Variants in ADCY9 observed in about 807,000 individuals in gnomAD.
ADCY9 encodes adenylate cyclase type 9.
A neutral mutation model predicts 101.5 loss-of-function variants in ADCY9; 50 were observed. That is an observed-to-expected ratio of 0.49 (90% CI 0.39 to 0.62). The LOEUF (loss-of-function observed/expected upper bound fraction) is 0.62. Among genes scored for constraint, ADCY9 ranks in the 20% least tolerant of loss-of-function variants. ADCY9 has a pLI of 0.00. For synonymous variants in ADCY9, 905 were observed against 769.3 expected, an observed-to-expected ratio of 1.18 and a Z score of -2.92; for missense variants, 1,662 against 1,800.4, an observed-to-expected ratio of 0.92 and a Z score of 1.39.
At chr16:4,004,046 C>T (rs1027866756) in intron 3 of ADCY9, among the ~76,000 whole-genome samples, 3 of 150,982 alleles carry the variant, frequency 2.0e-5, no homozygotes, top group Non-Finnish European at 4.4e-5. Flanking sequence ...GGTATAACCC[C>T]AGGAGTTGGC....
intron 2 of ADCY9, among the ~76,000 whole-genome samples, chr16:4,104,555 T>C (rs1165118507): frequency 6.6e-6 from 1 of 151,694 alleles, no homozygotes. Context: ...AAGGCTGGAG[T>C]GAGCTATGGT....
In ADCY9 at chr16:4,097,483, T is replaced by TACACAC. The variant is rs1195233632; in HGVS notation, c.1693+16266_1693+16267insGTGTGT. 1.7e-3 allele frequency among the ~76,000 whole-genome samples: 103 copies of TACACAC among 61,158 alleles called. 3 individuals carry two copies. Among genetic ancestry groups the TACACAC allele is most frequent in the Admixed American group, 3.0e-3 (16 of 5,314 alleles). 40.1% of individuals were successfully genotyped at this position (61,158 alleles called of 152,430 possible). A position where few individuals can be genotyped will look rare whatever the true frequency, so the allele number is the denominator to read the frequency against. On this transcript the variant is annotated intron_variant, in intron 2 of 10. Transcript: ENST00000294016. ...ATATATATATATATATATATATATA[T>TACACAC]ATATACACACACACACACTATATAT...
intron 2 of ADCY9, among the ~76,000 whole-genome samples, chr16:4,019,564 A>G (rs944029028): frequency 2.0e-5 from 3 of 152,254 alleles, no homozygotes; most frequent in African/African-American, 4.8e-5. Flanking sequence ...CTAGCTCATA[A>G]AACAGTGACC....
intron 5 of ADCY9, among the ~76,000 whole-genome samples, chr16:3,989,741 G>A (rs2056228938): frequency 6.6e-6 from 1 of 152,196 alleles, no homozygotes; most frequent in East Asian, 1.9e-4. Flanking sequence ...TCTGTTCTTT[G>A]AAACAATCTT....
chr16:4,101,515 G>C (rs1356947070), intron 2 of ADCY9, among the ~76,000 whole-genome samples: 2 of 152,098 alleles, frequency 1.3e-5, no homozygotes, highest in Non-Finnish European at 2.9e-5. Flanking sequence ...CTGGACTCAA[G>C]CGATCCTCCT....
At chr16:4,068,948 A>G (rs562634742) in intron 2 of ADCY9, among the ~76,000 whole-genome samples, 13 of 152,302 alleles carry the variant, frequency 8.5e-5, no homozygotes, top group African/African-American at 3.1e-4. Context: ...ATAGATGTTC[A>G]AGTGATTTCC....
chr16:3,998,700 C>G, intron 3 of ADCY9, among the ~76,000 whole-genome samples: 2 of 50,200 alleles, frequency 4.0e-5, no homozygotes. Flanking sequence ...AAGAGCAAAA[C>G]TCTGTCTCAA....
chr16:3,970,623 C>T (rs1164648609), intron 10 of ADCY9, among the ~76,000 whole-genome samples: 3 of 152,200 alleles, frequency 2.0e-5, no homozygotes, highest in African/African-American at 7.2e-5. Context: ...CCACCATGCC[C>T]GGCCAAAAGC....
In ADCY9 at chr16:3,965,785, T is replaced by G. The variant is rs1194194706; in HGVS notation, c.4052A>C (p.Lys1351Thr). ...ANELTKLNVS[K>T]SV ...CGGGTGGGCGCCGCCTCACACACTCTTTGAAACGTTGAGCTTGGTGAGTTC... is the reference window on the plus strand; with the variant it reads ...CGGGTGGGCGCCGCCTCACACACTCGTTGAAACGTTGAGCTTGGTGAGTTC... Residue 1351 changes from lysine to threonine, a missense_variant, in exon 11 of 11, where the codon AAG (lysine) becomes ACG (threonine). Coordinates refer to ENST00000294016, the MANE Select transcript of ADCY9 (RefSeq NM_001116.4). 6.2e-7 allele frequency: 1 copy of G among 1,612,526 alleles called. No individual in the cohort carries two copies. The highest frequency in any genetic ancestry group is 1.7e-5 in the Admixed American group (1 of 59,706).
chr16:4,095,976 C>CA (rs56897380), intron 2 of ADCY9, among the ~76,000 whole-genome samples: 30,171 of 115,112 alleles, frequency 0.26, 4,284 homozygotes, highest in Non-Finnish European at 0.31. Context: ...GACTCTATCT[C>CA]AAAAAAAAAA....
intron 3 of ADCY9, among the ~76,000 whole-genome samples, chr16:4,003,851 T>C (rs1178723311): frequency 2.0e-5 from 3 of 152,104 alleles, no homozygotes; most frequent in African/African-American, 7.2e-5. Context: ...TGTCTAATGC[T>C]TACTCCTTGG....
chr16:4,046,139 C>T (rs1007734406), intron 2 of ADCY9, among the ~76,000 whole-genome samples: 3 of 152,102 alleles, frequency 2.0e-5, no homozygotes, highest in South Asian at 2.1e-4. Flanking sequence ...GTGTGAGCCA[C>T]GGCACCAGGT....
At chr16:4,003,786 G>A (rs560071715) in intron 3 of ADCY9, among the ~76,000 whole-genome samples, 2 of 152,080 alleles carry the variant, frequency 1.3e-5, no homozygotes, top group South Asian at 2.1e-4. Flanking sequence ...TTCAAGTTGC[G>A]CCCCTGCCCG....
intron 7 of ADCY9, among the ~76,000 whole-genome samples, chr16:3,981,336 G>A (rs1047361466): frequency 1.3e-5 from 2 of 152,192 alleles, no homozygotes; most frequent in African/African-American, 4.8e-5. Flanking sequence ...AAGTAAAAAG[G>A]AATGGAGACA....
chr16:3,957,150 CCGTT>C (rs1461953235), intron 5 of ADCY9, among the ~76,000 whole-genome samples: 3 of 152,168 alleles, frequency 2.0e-5, no homozygotes, highest in African/African-American at 2.4e-5. Context: ...GGAAAAGAAA[CCGTT>C]TGGCTGTAAT....
rs1470366794 is a variant in ADCY9 at position 3,992,936 on chromosome 16, ACAGGCTCTCGCGGGTGGG to A, written c.1989+452_1989+469del. On this transcript the variant is annotated intron_variant, in intron 4 of 10. Transcript: ENST00000294016. The surrounding 1 kb of genome is among the most constrained non-coding windows in gnomAD (Gnocchi z 4.2). ...GAGTCGCCTGCATGAGCCCCCGCCG[ACAGGCTCTCGCGGGTGGG>A]CTGAGTCCTGGCCCTGGTGTCCAAG... Among the ~76,000 whole-genome samples, 2 of 152,228 alleles carry A rather than the reference ACAGGCTCTCGCGGGTGGG, an allele frequency of 1.3e-5. No individual in the cohort carries two copies. Among genetic ancestry groups the A allele is most frequent in the East Asian group, 3.9e-4 (2 of 5,148 alleles).
rs2056164518 is a variant in ADCY9 at position 3,983,544 on chromosome 16, G to A, written c.2311-104C>T. On this transcript the variant is annotated intron_variant, in intron 6 of 10. Coordinates refer to ENST00000294016, the MANE Select transcript of ADCY9 (RefSeq NM_001116.4). ...AACACGTGCGGAGCACTGCTGCTCT[G>A]GGCCAGGCACAGGGCAGGAAGGCTC... 2.5e-5 allele frequency: 25 copies of A among 988,752 alleles called. 1 individual carries two copies. The South Asian group carries it at 3.8e-4, about 15-fold the overall frequency. 61.2% of individuals were successfully genotyped at this position (988,752 alleles called of 1,614,324 possible).
intron 2 of ADCY9, among the ~76,000 whole-genome samples, chr16:4,008,379 A>G (rs1346362236): frequency 2.6e-5 from 4 of 152,226 alleles, no homozygotes; most frequent in African/African-American, 4.8e-5. Context: ...TTCTAGAAAG[A>G]GCCCAAGGAA....
intron 2 of ADCY9, among the ~76,000 whole-genome samples, chr16:4,048,216 AC>A (rs2056678837): frequency 6.6e-6 from 1 of 152,164 alleles, no homozygotes; most frequent in Non-Finnish European, 1.5e-5. Context: ...TTAGTCATAA[AC>A]CCTATTTTAA....
Sources: allele counts gnomAD v4.1 joint callset (sites outside exome capture counted in the v4.1 genomes callset), GRCh38; gene constraint gnomAD v4.1.1; non-coding constraint Gnocchi (gnomAD v3.1); transcripts MANE v1.5; gene names NCBI Gene and HGNC (gene_info 2026-07-23, HGNC 2026-07-21).